LMNA: variants seen among roughly 807,000 people sequenced by gnomAD.
LMNA encodes the protein lamin A/C.
Under a neutral mutation model 70.4 loss-of-function variants are expected in LMNA, and 20 were observed. That is an observed-to-expected ratio of 0.28 (90% CI 0.20 to 0.41). LMNA has a LOEUF of 0.41. LMNA is among the 10% of genes least tolerant of loss of function. The pLI, the probability that LMNA is intolerant of heterozygous loss-of-function variation, is 1.00. For missense variants in LMNA, 652 were observed against 917.2 expected, an observed-to-expected ratio of 0.71 and a Z score of 3.73; for synonymous variants, 339 against 372.8, an observed-to-expected ratio of 0.91 and a Z score of 1.04.
chr1:156,084,328 C>CGGGGGGGG (rs60777722), intron 2 of LMNA, among the ~76,000 whole-genome samples: 10 of 90,972 alleles, frequency 1.1e-4, no homozygotes, highest in East Asian at 2.2e-4. Context: ...CTCAGAAGGT[C>CGGGGGGGG]GGGGGGTGGT....
At position 156,136,223 on chromosome 1, in the gene LMNA, G is replaced by A. The variant is rs750919582; in HGVS notation, c.1167G>A (p.Leu389=). 1.9e-6 allele frequency: 3 copies of A among 1,612,496 alleles called. No homozygotes were observed. In the East Asian group the frequency reaches 6.7e-5, roughly 36 times the overall value. ...LLEGEEERLR[L]SPSPTSQRSR... is the part of the protein sequence containing the mutation. ...GTCTCCCTCTCCCCAGGCTACGCCT[G>A]TCCCCCAGCCCTACCTCGCAGCGCA... The change falls in exon 7 of 12, where the codon CTG becomes CTA. Residue 389 remains leucine (L), a synonymous_variant. Transcript: ENST00000368300. This position sits in a 1 kb window ranked among gnomAD's most constrained non-coding sequence, Gnocchi z 6.1.
chr1:156,125,440 G>A (rs1249920968), intron 1 of LMNA, among the ~76,000 whole-genome samples: 4 of 151,680 alleles, frequency 2.6e-5, no homozygotes, highest in African/African-American at 7.3e-5. Context: ...GTAATCCCAG[G>A]ACTTTGGGAG....
Position 156,134,468 on chromosome 1 carries a change from T to C in LMNA, c.579T>C (p.Ala193=), listed in dbSNP as rs749728556. Residue 193 remains alanine (A), a synonymous_variant, in exon 3 of 12, where the codon GCT becomes GCC. Coordinates refer to ENST00000368300, the MANE Select transcript of LMNA (RefSeq NM_170707.4). The surrounding 1 kb of genome is among the most constrained non-coding windows in gnomAD (Gnocchi z 5.3). ...ATGAGATGCTGCGGCGGGTGGATGCTGAGAACAGGCTGCAGACCATGAAGG... is the reference window on the plus strand; with the variant it reads ...ATGAGATGCTGCGGCGGGTGGATGCCGAGAACAGGCTGCAGACCATGAAGG... ...LQDEMLRRVD[A]ENRLQTMKEE... The C allele has an allele frequency of 3.5e-5, 56 of 1,614,004 alleles. No individual in the cohort carries two copies. Among genetic ancestry groups the C allele is most frequent in the Non-Finnish European group, 4.7e-5 (55 of 1,180,024 alleles).
At chr1:156,118,385 A>C (rs1173405980) in intron 1 of LMNA, among the ~76,000 whole-genome samples, 2 of 152,188 alleles carry the variant, frequency 1.3e-5, no homozygotes, top group African/African-American at 4.8e-5. Flanking sequence ...GCAGCTGTCC[A>C]GGCCTGGGAC....
In LMNA at chr1:156,138,490, C is replaced by A. The variant is rs1174456476; in HGVS notation, c.1701C>A (p.Gly567=). 6.2e-7 allele frequency: 1 copy of A among 1,612,028 alleles called. No homozygotes were observed. Among genetic ancestry groups the A allele is most frequent in the Non-Finnish European group, 8.5e-7 (1 of 1,179,676 alleles). ...CTGAGCCTTGTCTCCCTTCCCAGGG[C>A]TCCCACTGCAGCAGCTCGGGGGACC... ...DGDDLLHHHH[G]SHCSSSGDPA... Residue 567 remains glycine (G), a splice_region_variant and synonymous_variant, in exon 11 of 12, where the codon GGC becomes GGA. Coordinates refer to ENST00000368300, the MANE Select transcript of LMNA (RefSeq NM_170707.4). This position sits in a 1 kb window ranked among gnomAD's most constrained non-coding sequence, Gnocchi z 5.5.
chr1:156,098,624 C>T (rs1028590945), intron 3 of LMNA, among the ~76,000 whole-genome samples: 1 of 152,112 alleles, frequency 6.6e-6, no homozygotes, highest in Non-Finnish European at 1.5e-5. Flanking sequence ...AATCACTTAC[C>T]TTTTCTGAGC....
Position 156,137,700 on chromosome 1 carries a change from A to G in LMNA, c.1655A>G (p.Asp552Gly). The G allele has an allele frequency of 6.4e-7, 1 of 1,556,250 alleles. No homozygotes were observed. Among genetic ancestry groups the G allele is most frequent in the South Asian group, 1.2e-5 (1 of 84,304 alleles). The change falls in exon 10 of 12, where the codon GAC (aspartate) becomes GGC (glycine). Residue 552 changes from aspartate (D) to glycine (G), a missense_variant. By Grantham distance (94) the Asp-to-Gly change is moderately conservative. This residue lies in a region of LMNA where 327 missense variants were observed against 387.6 expected (regional missense o/e 0.84). Coordinates refer to ENST00000368300, the MANE Select transcript of LMNA (RefSeq NM_170707.4). This position sits in a 1 kb window ranked among gnomAD's most constrained non-coding sequence, Gnocchi z 4.6. ...GTGCGCTCAGTGACTGTGGTTGAGG[A>G]CGACGAGGATGAGGATGGAGATGAC... Reference protein sequence around the residue: ...KLVRSVTVVEDDEDEDGDDLL... With the variant: ...KLVRSVTVVEGDEDEDGDDLL...
At chr1:156,084,737 G>T (rs901010629) in intron 2 of LMNA, among the ~76,000 whole-genome samples, 1 of 152,204 alleles carries the variant, frequency 6.6e-6, no homozygotes, top group African/African-American at 2.4e-5. Flanking sequence ...CTTATTGTGT[G>T]CTAGGCATTT....
chr1:156,138,908 C>T lies in LMNA; in HGVS notation c.1968+151C>T. On this transcript the variant is annotated intron_variant, in intron 11 of 11. Transcript: ENST00000368300. The surrounding 1 kb of genome is among the most constrained non-coding windows in gnomAD (Gnocchi z 5.5). ...TCCTCCCCACAGCCTGAGTCCTAGA[C>T]AGCCCACCTCTGCATCCTGCCCCTC... is the stretch of plus-strand genomic sequence containing the variant. 1 of 1,305,026 alleles carries T rather than the reference C, an allele frequency of 7.7e-7. No individual in the cohort carries two copies. Among genetic ancestry groups the T allele is most frequent in the Non-Finnish European group, 1.1e-6 (1 of 916,412 alleles). 80.8% of individuals were successfully genotyped at this position (1,305,026 alleles called of 1,614,324 possible). A position where few individuals can be genotyped will look rare whatever the true frequency, so the allele number is the denominator to read the frequency against.
At position 156,115,014 on chromosome 1, in the gene LMNA, G is replaced by A. The variant is rs775429079; in HGVS notation, c.96G>A (p.Lys32=). ...CCCGCATCACCCGGCTGCAGGAGAA[G>A]GAGGACCTGCAGGAGCTCAATGATC... ...SPTRITRLQE[K]EDLQELNDRL... The change falls in exon 1 of 12, where the codon AAG becomes AAA. Residue 32 remains lysine, a synonymous_variant. Coordinates refer to ENST00000368300, the MANE Select transcript of LMNA (RefSeq NM_170707.4). This position sits in a 1 kb window ranked among gnomAD's most constrained non-coding sequence, Gnocchi z 5.8. 19 of 1,601,006 alleles carry A rather than the reference G, an allele frequency of 1.2e-5. No individual in the cohort carries two copies. In the Admixed American group the frequency reaches 2.9e-4, roughly 24 times the overall value.
At chr1:156,119,242 C>T (rs1260147024) in intron 1 of LMNA, among the ~76,000 whole-genome samples, 1 of 152,044 alleles carries the variant, frequency 6.6e-6, no homozygotes, top group East Asian at 1.9e-4. Context: ...CTCAGCCTCC[C>T]GAGTAGCTGG....
intron 2 of LMNA, among the ~76,000 whole-genome samples, chr1:156,132,370 T>C (rs753894024): frequency 9.2e-5 from 14 of 151,876 alleles, no homozygotes; most frequent in Non-Finnish European, 1.9e-4. Context: ...CTTGGGAGGC[T>C]GAGGCAGGAG....
At position 156,117,012 on chromosome 1, in the gene LMNA, C is replaced by T. The variant is rs936468730; in HGVS notation, c.356+1738C>T. 2.6e-5 allele frequency among the ~76,000 whole-genome samples: 4 copies of T among 151,382 alleles called. No individual in the cohort carries two copies. The East Asian group carries it at 7.7e-4, about 29-fold the overall frequency. ...CACCACAACCTCTGCCTCCCAGGCT[C>T]AAAAGATTCTCCTGCCTCAGCCTCC... is the stretch of plus-strand genomic sequence containing the variant. On this transcript the variant is annotated intron_variant, in intron 1 of 11. Transcript: ENST00000368300.
At chr1:156,084,213 A>G (rs906499061) in intron 2 of LMNA, among the ~76,000 whole-genome samples, 2 of 151,976 alleles carry the variant, frequency 1.3e-5, no homozygotes, top group South Asian at 4.1e-4. Flanking sequence ...AGACTTAGCA[A>G]TGTGGGGCCT....
chr1:156,105,887 G>T (rs968617675), intron 3 of LMNA, among the ~76,000 whole-genome samples: 1 of 152,132 alleles, frequency 6.6e-6, no homozygotes, highest in Non-Finnish European at 1.5e-5. Flanking sequence ...GGGAGGCCGA[G>T]GCAGGCGGAT....
At chr1:156,127,950 T>G (rs1650737855) in intron 1 of LMNA, among the ~76,000 whole-genome samples, 1 of 152,080 alleles carries the variant, frequency 6.6e-6, no homozygotes, top group African/African-American at 2.4e-5. Flanking sequence ...CCTCCCAAAG[T>G]GCTGGGATTA....
At chr1:156,121,769 C>G (rs919329359) in intron 1 of LMNA, among the ~76,000 whole-genome samples, 13 of 151,872 alleles carry the variant, frequency 8.6e-5, no homozygotes, top group Admixed American at 7.2e-4. Context: ...TCATTCCATT[C>G]TCACCTCCTT....
intron 1 of LMNA, among the ~76,000 whole-genome samples, chr1:156,124,661 TCCTGC>T (rs1475072876): frequency 2.0e-5 from 3 of 152,134 alleles, no homozygotes; most frequent in African/African-American, 7.2e-5. Flanking sequence ...ATTCTCCACA[TCCTGC>T]CCTTACCCGA....
chr1:156,133,051 G>A (rs2102873895), intron 2 of LMNA, among the ~76,000 whole-genome samples: 1 of 151,746 alleles, frequency 6.6e-6, no homozygotes, highest in Non-Finnish European at 1.5e-5. Flanking sequence ...TGTTGGTCAG[G>A]CTGGTCTTGA....
Sources: gnomAD v4.1 joint callset for allele counts (sites outside exome capture counted in the v4.1 genomes callset) on GRCh38, gnomAD v4.1.1 for gene constraint, gnomAD v4.1.1 regional missense constraint, Gnocchi (gnomAD v3.1) non-coding constraint, MANE v1.5 for transcripts, NCBI Gene and HGNC (gene_info 2026-07-23, HGNC 2026-07-21) for gene names.